The following SYNE1 variants were observed in gnomAD, a reference collection of about 807,000 sequenced individuals.
The protein encoded by SYNE1 is nesprin-1.
SYNE1 carries 616 observed loss-of-function variants against 1,111.0 expected under a neutral mutation model. That is an observed-to-expected ratio of 0.55 (90% CI 0.52 to 0.59). The LOEUF is 0.59. Among genes scored for constraint, SYNE1 ranks in the 20% least tolerant of loss-of-function variants. The probability of loss-of-function intolerance (pLI) is 0.00; values close to 1 mark genes in which losing one functional copy is unlikely to be tolerated. For missense variants in SYNE1, 10,006 were observed against 10,417.0 expected (o/e 0.96, Z 1.72); for synonymous variants, 3,855 against 3,825.8 (o/e 1.01, Z -0.28).
intron 3 of SYNE1, chr6:152,545,970 A>G (rs2099310600): frequency 6.6e-6 from 1 of 152,218 alleles, no homozygotes; most frequent in Admixed American, 6.5e-5. Flanking sequence ...ATGAAATTGA[A>G]AAAATAGACA....
chr6:152,552,354 A>T (rs1392592421), intron 3 of SYNE1, among the ~76,000 whole-genome samples: 1 of 151,888 alleles, frequency 6.6e-6, no homozygotes, highest in Non-Finnish European at 1.5e-5. Context: ...TTTGCATTTC[A>T]AATTACTGCT....
intron 127 of SYNE1, among the ~76,000 whole-genome samples, chr6:152,192,152 T>C (rs1046063990): frequency 6.6e-6 from 1 of 152,212 alleles, no homozygotes; most frequent in African/African-American, 2.4e-5. Flanking sequence ...TTAAGACTTG[T>C]TTTGTGGCCT....
Position 152,526,110 on chromosome 6 carries a change from G to A in SYNE1, c.195C>T (p.Ala65=). ...TCTGCCCAGACAGGACCTCCAGAAG[G>A]GCAAGCAGTTTAACACCATCTTTCA... ...EDMKDGVKLL[A]LLEVLSGQKL... is the part of the protein sequence containing the mutation. Residue 65 remains alanine, a synonymous_variant, in exon 5 of 146, where the codon GCC becomes GCT. Transcript: ENST00000367255. 1 of 1,614,056 alleles carries A rather than the reference G, an allele frequency of 6.2e-7. No homozygotes were observed. The highest frequency in any genetic ancestry group is 8.5e-7 in the Non-Finnish European group (1 of 1,179,990).
At chr6:152,161,250 T>A (rs2062428292) in intron 131 of SYNE1, among the ~76,000 whole-genome samples, 1 of 148,222 alleles carries the variant, frequency 6.7e-6, no homozygotes, top group Admixed American at 6.8e-5. Flanking sequence ...TATTTCATAA[T>A]AAACATATAT....
chr6:152,433,050 A>G (rs930813928), intron 34 of SYNE1, among the ~76,000 whole-genome samples: 2 of 151,910 alleles, frequency 1.3e-5, no homozygotes, highest in East Asian at 1.9e-4. Flanking sequence ...TTATTTTACT[A>G]TATTTAATTG....
chr6:152,268,228 T>C lies in SYNE1; in HGVS notation c.18706-63A>G, dbSNP rs1431210512. 6 of 1,301,764 alleles carry C rather than the reference T, an allele frequency of 4.6e-6. No homozygotes were observed. In the East Asian group the frequency reaches 9.2e-5, roughly 20 times the overall value. 80.6% of individuals were successfully genotyped at this position (1,301,764 alleles called of 1,614,324 possible). A position where few individuals can be genotyped will look rare whatever the true frequency, so the allele number is the denominator to read the frequency against. On this transcript the variant is annotated intron_variant, in intron 99 of 145. Coordinates refer to ENST00000367255, the MANE Select transcript of SYNE1 (RefSeq NM_182961.4). ...ACTTTATGATTATTGCCTACAATCA[T>C]AGTTCTAGCTATAAAATTCTCAGAG...
intron 100 of SYNE1, among the ~76,000 whole-genome samples, chr6:152,264,560 T>C (rs187506614): frequency 6.6e-6 from 1 of 151,966 alleles, no homozygotes; most frequent in Admixed American, 6.5e-5. Context: ...ACTTTGGGAA[T>C]CTGAGGCAAG....
intron 104 of SYNE1, among the ~76,000 whole-genome samples, chr6:152,252,491 T>C (rs563536132): frequency 6.6e-6 from 1 of 152,350 alleles, no homozygotes; most frequent in Admixed American, 6.5e-5. Context: ...ATTCTATATA[T>C]GTAATGTACA....
In SYNE1 at chr6:152,441,231, C is replaced by G. The variant is rs759052967; in HGVS notation, c.4048G>C (p.Glu1350Gln). ...TGAAAAAGGTATCTTACTACTGTTTCTTTGTTTGTTTCAAATCGCTCCCAT... is the reference window on the plus strand; with the variant it reads ...TGAAAAAGGTATCTTACTACTGTTTGTTTGTTTGTTTCAAATCGCTCCCAT... ...RKWERFETNK[E>Q]TVVRYLFQTG... Residue 1350 changes from glutamate to glutamine, a missense_variant, in exon 32 of 146, where the codon GAA becomes CAA. Glu to Gln is a conservative substitution (Grantham distance 29, BLOSUM62 2). Transcript: ENST00000367255. 3 of 1,611,452 alleles carry G rather than the reference C, an allele frequency of 1.9e-6. No individual in the cohort carries two copies.
rs140264845 is a variant in SYNE1, at chr6:152,141,037, AAAAC to A, written c.25246+162_25246+165del. 0.36 allele frequency among the ~76,000 whole-genome samples: 53,879 copies of A among 151,630 alleles called. 10,473 individuals are homozygous for A. The highest frequency in any genetic ancestry group is 0.51 in the African/African-American group (20,840 of 41,252). On this transcript the variant is annotated intron_variant, in intron 139 of 145. Coordinates refer to ENST00000367255, the MANE Select transcript of SYNE1 (RefSeq NM_182961.4). ...GCGACAGAGCGCCACTCCGCCTCAA[AAAAC>A]AAACAAACAACAAAAAAGGAGACTG...
Position 152,331,255 on chromosome 6 carries a change from A to T in SYNE1, c.13430T>A (p.Met4477Lys), listed in dbSNP as rs1225291715. The T allele has an allele frequency of 2.5e-6, 4 of 1,613,982 alleles. No homozygotes were observed. The African/African-American group carries it at 4.0e-5, about 16-fold the overall frequency. Residue 4477 changes from methionine (M) to lysine (K), a missense_variant, in exon 78 of 146, where the codon ATG becomes AAG. By Grantham distance (95) the Met-to-Lys change is moderately conservative. Around this residue, in one of 7 missense-constraint regions of SYNE1, gnomAD observed 4,955 missense variants for 5,017.2 expected, o/e 0.99. Coordinates refer to ENST00000367255, the MANE Select transcript of SYNE1 (RefSeq NM_182961.4). Reference sequence around the variant, plus strand: ...TAACAGACAGATGTGTTCACGGAACATTATCTTTCGCTCATGTTGCTGAAT... The same window carrying T: ...TAACAGACAGATGTGTTCACGGAACTTTATCTTTCGCTCATGTTGCTGAAT... ...SQIQQHERKI[M>K]FREHICLLPD... is the part of the protein sequence containing the mutation.
At chr6:152,173,825 A>T (rs2065770552) in intron 130 of SYNE1, among the ~76,000 whole-genome samples, 2 of 152,232 alleles carry the variant, frequency 1.3e-5, no homozygotes, top group South Asian at 4.1e-4. Context: ...GTATTGTATA[A>T]GTGACTATAG....
intron 84 of SYNE1, among the ~76,000 whole-genome samples, chr6:152,319,339 A>C (rs1345719932): frequency 1.3e-5 from 2 of 152,222 alleles, no homozygotes; most frequent in African/African-American, 4.8e-5. Context: ...CCATTAACTA[A>C]CGTAATGACC....
At chr6:152,276,029 T>A (rs1330741596) in intron 98 of SYNE1, among the ~76,000 whole-genome samples, 3 of 115,492 alleles carry the variant, frequency 2.6e-5, no homozygotes, top group Non-Finnish European at 5.5e-5. Flanking sequence ...ATTCTCGACT[T>A]CTTTTTTTTT....
chr6:152,383,628 G>A (rs1379813294), intron 55 of SYNE1, among the ~76,000 whole-genome samples: 2 of 151,894 alleles, frequency 1.3e-5, no homozygotes, highest in African/African-American at 4.8e-5. Flanking sequence ...TTCTCCTATG[G>A]CTCATTAAAT....
chr6:152,453,490 A>C, intron 25 of SYNE1, 96 bp downstream of exon 25: 1 of 1,589,322 alleles, frequency 6.3e-7, no homozygotes, highest in African/African-American at 1.3e-5. Context: ...GTGACTTTCC[A>C]GGAATTTCTA....
intron 31 of SYNE1, among the ~76,000 whole-genome samples, chr6:152,441,616 G>T (rs1232530757): frequency 6.6e-6 from 1 of 152,166 alleles, no homozygotes; most frequent in Admixed American, 6.5e-5. Flanking sequence ...CACAGAAGAA[G>T]GTAGGGAGAG....
intron 95 of SYNE1, among the ~76,000 whole-genome samples, chr6:152,290,162 C>T (rs1157486264): frequency 6.6e-6 from 1 of 152,198 alleles, no homozygotes; most frequent in Non-Finnish European, 1.5e-5. Flanking sequence ...GTCCCTAAAG[C>T]ATCAGATGCC....
chr6:152,625,604 C>G (rs1398248508), intron 3 of SYNE1, among the ~76,000 whole-genome samples: 1 of 152,158 alleles, frequency 6.6e-6, no homozygotes, highest in African/African-American at 2.4e-5. Flanking sequence ...ACTCTTCTAA[C>G]TTTGTCAGGT....
Sources: allele counts gnomAD v4.1 joint callset (sites outside exome capture counted in the v4.1 genomes callset), GRCh38; gene constraint gnomAD v4.1.1; regional missense constraint gnomAD v4.1.1; transcripts MANE v1.5; gene names NCBI Gene and HGNC (gene_info 2026-07-23, HGNC 2026-07-21).